Variants in STRADA observed in about 807,000 individuals in gnomAD.
STRADA encodes STE20-related kinase adapter protein alpha.
Under a neutral mutation model 55.0 loss-of-function variants are expected in STRADA, and 26 were observed. The observed-to-expected ratio is 0.47, with a 90% confidence interval of 0.35 to 0.66. STRADA has a LOEUF of 0.66. Among genes scored for constraint, STRADA ranks in the 30% least tolerant of loss-of-function variants. The pLI is 0.01. For missense variants in STRADA, 443 were observed against 549.7 expected (o/e 0.81, Z 1.94); for synonymous variants, 197 against 210.9 (o/e 0.93, Z 0.57).
chr17:63,703,313 ATC>A lies in STRADA; in HGVS notation c.*284_*285del. Reference sequence around the variant, plus strand: ...ATTCAGCTCCCAGGGCCAGAGCAGCATCTCTCTTCTGCGGAGGAGGTCACCTG... The same window carrying A: ...ATTCAGCTCCCAGGGCCAGAGCAGCATCTCTTCTGCGGAGGAGGTCACCTG... On this transcript the variant is annotated 3_prime_UTR_variant, in exon 13 of 13. Transcript: ENST00000336174. 9.4e-6 allele frequency: 3 copies of A among 319,920 alleles called. No individual in the cohort carries two copies. Among genetic ancestry groups the A allele is most frequent in the Non-Finnish European group, 1.7e-5 (3 of 172,276 alleles). The allele number at this position is 319,920 out of a possible 1,614,324, so 19.8% of individuals were successfully genotyped here.
chr17:63,704,135 CCCCTCT>C (rs1199157048), intron 11 of STRADA, 88 bp from the exon 12 acceptor site: 28 of 1,561,192 alleles, frequency 1.8e-5, no homozygotes, highest in African/African-American at 1.2e-4. Context: ...AGCCTCGGGT[CCCCTCT>C]CCCTCTCCCT....
chr17:63,740,847 A>G (rs1430994435), intron 1 of STRADA, among the ~76,000 whole-genome samples: 1 of 152,188 alleles, frequency 6.6e-6, no homozygotes, highest in Non-Finnish European at 1.5e-5. Flanking sequence ...GACAGATTTG[A>G]CCAGTTCAGC....
chr17:63,708,538 A>C (rs2036272649), intron 8 of STRADA, among the ~76,000 whole-genome samples: 1 of 151,552 alleles, frequency 6.6e-6, no homozygotes, highest in Non-Finnish European at 1.5e-5. Flanking sequence ...GACTCCATTT[A>C]CATATCACCA....
At chr17:63,740,166 A>C (rs2038832819) in intron 1 of STRADA, among the ~76,000 whole-genome samples, 1 of 145,666 alleles carries the variant, frequency 6.9e-6, no homozygotes, top group South Asian at 2.2e-4. Flanking sequence ...ACACACACAC[A>C]CACACACACA....
At chr17:63,723,482 C>T (rs933286011) in intron 3 of STRADA, 156 bp from the exon 4 acceptor site, 3 of 694,368 alleles carry the variant, frequency 4.3e-6, no homozygotes, top group African/African-American at 1.8e-5. Context: ...CATATAAACA[C>T]ACACAGATCC....
At chr17:63,729,753 C>T (rs1477569066) in intron 1 of STRADA, among the ~76,000 whole-genome samples, 5 of 151,600 alleles carry the variant, frequency 3.3e-5, no homozygotes, top group Admixed American at 2.6e-4. Context: ...CGCGCCACTG[C>T]ACTCCAGCCT....
chr17:63,724,912 A>G (rs940460454), intron 3 of STRADA, among the ~76,000 whole-genome samples: 1 of 152,210 alleles, frequency 6.6e-6, no homozygotes. Context: ...AAGTTCACAG[A>G]TATCACTAGT....
intron 10 of STRADA, chr17:63,705,070 C>T (rs1754545862): frequency 1.4e-6 from 1 of 714,624 alleles, no homozygotes; most frequent in African/African-American, 1.8e-5. Context: ...GGAGGCCAGG[C>T]TGGGTGGCTG....
chr17:63,710,930 G>C, intron 6 of STRADA, 94 bp from the exon 7 acceptor site: 1 of 1,140,800 alleles, frequency 8.8e-7, no homozygotes, highest in Non-Finnish European at 1.3e-6. Flanking sequence ...GGGGGACCTG[G>C]CACTTTCTGG....
At chr17:63,730,240 C>T (rs543964236) in intron 1 of STRADA, among the ~76,000 whole-genome samples, 1 of 152,206 alleles carries the variant, frequency 6.6e-6, no homozygotes, top group Non-Finnish European at 1.5e-5. Context: ...TTTTTACAAA[C>T]ACGCCAACAT....
At chr17:63,705,034 G>A in intron 10 of STRADA, 1 of 949,798 alleles carries the variant, frequency 1.1e-6, no homozygotes, top group Non-Finnish European at 1.6e-6. Flanking sequence ...GCTGCAGCAG[G>A]CCACACGGGA....
intron 6 of STRADA, 119 bp from the exon 7 acceptor site, chr17:63,710,955 A>T: frequency 4.5e-6 from 4 of 888,560 alleles, no homozygotes; most frequent in Non-Finnish European, 5.2e-6. Context: ...TCTCAGAGTC[A>T]TGGGAACAGC....
At chr17:63,737,500 T>C (rs2038539058) in intron 1 of STRADA, 1 of 142,950 alleles carries the variant, frequency 7.0e-6, no homozygotes, top group Non-Finnish European at 1.5e-5. Flanking sequence ...CCTTCAAATT[T>C]GATAATATGA....
At chr17:63,727,835 G>T (rs1319312034) in intron 2 of STRADA, 1 of 152,066 alleles carries the variant, frequency 6.6e-6, no homozygotes, top group Admixed American at 6.6e-5. Flanking sequence ...TGAAATAATG[G>T]GAATTTGTAA....
intron 4 of STRADA, among the ~76,000 whole-genome samples, chr17:63,716,100 T>G (rs886123493): frequency 2.0e-5 from 3 of 151,536 alleles, no homozygotes; most frequent in Admixed American, 6.6e-5. Flanking sequence ...ACGTGGTTTT[T>G]TTTTTTTTTT....
chr17:63,728,381 G>A lies in STRADA; in HGVS notation c.-12C>T. 1 of 1,608,608 alleles carries A rather than the reference G, an allele frequency of 6.2e-7. No individual in the cohort carries two copies. Among genetic ancestry groups the A allele is most frequent in the Non-Finnish European group, 8.5e-7 (1 of 1,177,988 alleles). On this transcript the variant is annotated 5_prime_UTR_variant, in exon 2 of 13. Coordinates refer to ENST00000336174, the MANE Select transcript of STRADA (RefSeq NM_001003787.4). ...ACAAGAAATGACATGAGTTCCTACT[G>A]TGTAGGCCTACTTCAGTTTCAAAAA...
chr17:63,716,722 C>T (rs941037064), intron 4 of STRADA, among the ~76,000 whole-genome samples: 2 of 152,236 alleles, frequency 1.3e-5, no homozygotes, highest in East Asian at 1.9e-4. Flanking sequence ...ACAAGGTGTA[C>T]GTCCATATTA....
At chr17:63,739,645 T>C (rs1193235113) in intron 1 of STRADA, among the ~76,000 whole-genome samples, 1 of 150,488 alleles carries the variant, frequency 6.6e-6, no homozygotes, top group Non-Finnish European at 1.5e-5. Context: ...TATGTATGTG[T>C]ATATTATATA....
At chr17:63,724,974 C>A (rs1275143426) in intron 3 of STRADA, among the ~76,000 whole-genome samples, 1 of 152,094 alleles carries the variant, frequency 6.6e-6, no homozygotes, top group Non-Finnish European at 1.5e-5. Flanking sequence ...CACCTAGTAA[C>A]TAACAAGTTT....
Sources: allele counts gnomAD v4.1 joint callset (sites outside exome capture counted in the v4.1 genomes callset), GRCh38; gene constraint gnomAD v4.1.1; transcripts MANE v1.5; gene names NCBI Gene and HGNC (gene_info 2026-07-23, HGNC 2026-07-21).